The following SCHIP1 variants were observed in gnomAD, a reference collection of about 807,000 sequenced individuals.
SCHIP1 encodes the protein schwannomin-interacting protein 1.
Under a neutral mutation model 29.7 loss-of-function variants are expected in SCHIP1, and 8 were observed. The observed-to-expected ratio is 0.27, with a 90% CI of 0.16 to 0.49. The LOEUF is 0.49. Ranked by LOEUF, SCHIP1 falls within the 20% of genes least tolerant of loss-of-function variation. The probability of loss-of-function intolerance (pLI) is 0.99; values close to 1 mark genes in which losing one functional copy is unlikely to be tolerated. For synonymous variants in SCHIP1, 76 were observed against 94.9 expected, an observed-to-expected ratio of 0.80 and a Z score of 1.16; for missense variants, 193 against 294.6, an observed-to-expected ratio of 0.66 and a Z score of 2.52.
the SCHIP1 span, among the ~76,000 whole-genome samples, chr3:159,286,928 A>G: frequency 2.6e-5 from 4 of 151,888 alleles, no homozygotes; most frequent in East Asian, 7.7e-4. Flanking sequence ...TGTTTTCTGC[A>G]TGATGGTTTG....
the SCHIP1 span, among the ~76,000 whole-genome samples, chr3:159,754,355 C>A: frequency 6.6e-5 from 10 of 152,108 alleles, no homozygotes; most frequent in African/African-American, 2.2e-4. Context: ...AATGTTACCT[C>A]ATTGTTATTG....
the SCHIP1 span, among the ~76,000 whole-genome samples, chr3:159,446,272 C>T: frequency 6.6e-6 from 1 of 152,038 alleles, no homozygotes; most frequent in Non-Finnish European, 1.5e-5. Flanking sequence ...TGGTATCTCT[C>T]AGGCAATAAA....
chr3:159,424,102 G>A, the SCHIP1 span, among the ~76,000 whole-genome samples: 309 of 148,582 alleles, frequency 2.1e-3, no homozygotes, highest in African/African-American at 7.2e-3. Context: ...AAAAAACAGA[G>A]CAGAAAAACT....
At chr3:159,335,256 C>T in the SCHIP1 span, among the ~76,000 whole-genome samples, 1 of 152,136 alleles carries the variant, frequency 6.6e-6, no homozygotes, top group African/African-American at 2.4e-5. Flanking sequence ...TGTACTTCTA[C>T]CAGCAGCATA....
the SCHIP1 span, among the ~76,000 whole-genome samples, chr3:159,357,457 A>G: frequency 3.3e-5 from 5 of 152,222 alleles, no homozygotes; most frequent in Non-Finnish European, 5.9e-5. Context: ...CTGGAAAATC[A>G]GTGAAGACAG....
chr3:159,597,872 T>C, the SCHIP1 span, among the ~76,000 whole-genome samples: 1 of 152,182 alleles, frequency 6.6e-6, no homozygotes, highest in African/African-American at 2.4e-5. Context: ...GGGTAATTTA[T>C]AAACAAAAGA....
chr3:159,293,390 G>A, the SCHIP1 span, among the ~76,000 whole-genome samples: 2,706 of 152,258 alleles, frequency 0.018, 79 homozygotes, highest in African/African-American at 0.063. Flanking sequence ...AGGCATTTGT[G>A]AACTTATACA....
At chr3:159,377,500 C>T in the SCHIP1 span, among the ~76,000 whole-genome samples, 1 of 152,208 alleles carries the variant, frequency 6.6e-6, no homozygotes, top group Non-Finnish European at 1.5e-5. Context: ...CATGGAGAAT[C>T]TATTGCATTG....
the SCHIP1 span, among the ~76,000 whole-genome samples, chr3:159,382,882 T>G: frequency 2.0e-5 from 3 of 152,072 alleles, no homozygotes; most frequent in Non-Finnish European, 4.4e-5. Context: ...TTTGCATGTC[T>G]TTTTTGGCTG....
the SCHIP1 span, among the ~76,000 whole-genome samples, chr3:159,624,580 A>G: frequency 6.6e-6 from 1 of 152,170 alleles, no homozygotes; most frequent in African/African-American, 2.4e-5. Flanking sequence ...GTTTTACCCA[A>G]AATTCATGGA....
the SCHIP1 span, among the ~76,000 whole-genome samples, chr3:159,392,941 T>G: frequency 6.6e-6 from 1 of 152,188 alleles, no homozygotes; most frequent in Non-Finnish European, 1.5e-5. Context: ...AGTGTAAAAG[T>G]GTTCCTACCT....
At chr3:159,815,596 C>T in the SCHIP1 span, among the ~76,000 whole-genome samples, 19,251 of 152,216 alleles carry the variant, frequency 0.13, 1,455 homozygotes, top group Middle Eastern at 0.29. Context: ...TTTTAGACCA[C>T]AGTTAAGTTT....
At chr3:159,576,572 T>G in the SCHIP1 span, among the ~76,000 whole-genome samples, 1 of 152,214 alleles carries the variant, frequency 6.6e-6, no homozygotes, top group Admixed American at 6.5e-5. Flanking sequence ...TGAATAACTC[T>G]CCCACATTCT....
chr3:159,631,408 G>A, the SCHIP1 span, among the ~76,000 whole-genome samples: 1 of 152,268 alleles, frequency 6.6e-6, no homozygotes, highest in South Asian at 2.1e-4. Context: ...ATAGTGGCAT[G>A]AGTCACAATA....
At chr3:159,490,189 T>A in the SCHIP1 span, among the ~76,000 whole-genome samples, 16 of 152,160 alleles carry the variant, frequency 1.1e-4, no homozygotes, top group Non-Finnish European at 2.4e-4. Flanking sequence ...GTCAGTGTAT[T>A]TGGACTATCC....
At chr3:159,428,115 C>T in the SCHIP1 span, among the ~76,000 whole-genome samples, 1 of 151,524 alleles carries the variant, frequency 6.6e-6, no homozygotes, top group African/African-American at 2.4e-5. Flanking sequence ...TAGGCAATAC[C>T]ATTCAGGACA....
At chr3:159,666,814 C>A in the SCHIP1 span, among the ~76,000 whole-genome samples, 15 of 152,168 alleles carry the variant, frequency 9.9e-5, no homozygotes, top group Admixed American at 7.2e-4. Flanking sequence ...GGCCAGAGAG[C>A]AATGGTGAGA....
At chr3:159,626,545 T>A in the SCHIP1 span, among the ~76,000 whole-genome samples, 3 of 152,078 alleles carry the variant, frequency 2.0e-5, no homozygotes, top group African/African-American at 7.2e-5. Flanking sequence ...GGGGCATGAA[T>A]GACCCATTAT....
At chr3:159,450,050 C>G in the SCHIP1 span, among the ~76,000 whole-genome samples, 9 of 152,134 alleles carry the variant, frequency 5.9e-5, no homozygotes, top group Non-Finnish European at 1.2e-4. Flanking sequence ...CAATAGTAAA[C>G]TGTACATCTT....
Sources: allele counts gnomAD v4.1 joint callset (sites outside exome capture counted in the v4.1 genomes callset), GRCh38; gene constraint gnomAD v4.1.1; transcripts MANE v1.5; gene names NCBI Gene and HGNC (gene_info 2026-07-23, HGNC 2026-07-21).